CDH7: variants seen among roughly 807,000 people sequenced by gnomAD.
CDH7 encodes cadherin-7.
In CDH7, 25 loss-of-function variants were observed where a neutral mutation model predicts 71.8. The ratio of observed to expected loss-of-function variants is 0.35; its 90% confidence interval spans 0.25 to 0.49. CDH7 has a LOEUF of 0.49. Ranked by LOEUF, CDH7 falls within the 20% of genes least tolerant of loss-of-function variation. The pLI, the probability that CDH7 is intolerant of heterozygous loss-of-function variation, is 0.99. For synonymous variants in CDH7, 381 were observed against 363.8 expected (o/e 1.05, Z -0.54); for missense variants, 862 against 974.6 (o/e 0.88, Z 1.54).
At chr18:65,835,765 A>G (rs1374279626) in intron 6 of CDH7, among the ~76,000 whole-genome samples, 1 of 152,242 alleles carries the variant, frequency 6.6e-6, no homozygotes, top group Non-Finnish European at 1.5e-5. Flanking sequence ...TTATAAAATC[A>G]AAACAGACTA....
chr18:65,780,740 A>G (rs1394777095), intron 2 of CDH7, among the ~76,000 whole-genome samples: 1 of 151,604 alleles, frequency 6.6e-6, no homozygotes, highest in African/African-American at 2.4e-5. Flanking sequence ...AGGTAGTGTG[A>G]TGCCTCCAGC....
intron 3 of CDH7, 126 bp from the exon 4 acceptor site, chr18:65,814,359 G>T: frequency 2.0e-6 from 2 of 980,630 alleles, no homozygotes; most frequent in Admixed American, 1.9e-5. Context: ...ATTTTTTTAT[G>T]TGTCTTGAAA....
intron 1 of CDH7, among the ~76,000 whole-genome samples, chr18:65,751,875 G>A (rs1160850588): frequency 1.3e-5 from 2 of 152,150 alleles, no homozygotes; most frequent in African/African-American, 4.8e-5. Flanking sequence ...GTGGATTAAT[G>A]AGAAAAGACC....
At chr18:65,755,707 A>C (rs1273696679) in intron 1 of CDH7, among the ~76,000 whole-genome samples, 1 of 152,178 alleles carries the variant, frequency 6.6e-6, no homozygotes, top group Non-Finnish European at 1.5e-5. Context: ...TCTACAATAA[A>C]AATAGGCAAA....
intron 4 of CDH7, among the ~76,000 whole-genome samples, chr18:65,818,221 T>A (rs2143927235): frequency 6.6e-6 from 1 of 152,344 alleles, no homozygotes; most frequent in East Asian, 1.9e-4. Flanking sequence ...ATTTCTAATT[T>A]ACTTTTAGTT....
At chr18:65,879,840 G>A (rs528063225) in intron 11 of CDH7, among the ~76,000 whole-genome samples, 15 of 152,232 alleles carry the variant, frequency 9.9e-5, no homozygotes, top group South Asian at 8.3e-4. Flanking sequence ...ACATGAAAGT[G>A]GGACTCAATT....
At chr18:65,847,765 A>T (rs960062522) in intron 7 of CDH7, among the ~76,000 whole-genome samples, 13 of 152,120 alleles carry the variant, frequency 8.5e-5, no homozygotes, top group African/African-American at 2.9e-4. Context: ...ACTGGCCAGA[A>T]CATAACACGA....
At chr18:65,778,520 C>T (rs1015290358) in intron 2 of CDH7, among the ~76,000 whole-genome samples, 10 of 68,072 alleles carry the variant, frequency 1.5e-4, no homozygotes, top group Admixed American at 2.5e-4. Flanking sequence ...TTGCCCCAGG[C>T]GTCTCACTCT....
At chr18:65,840,671 C>A (rs1034783347) in intron 6 of CDH7, among the ~76,000 whole-genome samples, 7 of 152,078 alleles carry the variant, frequency 4.6e-5, no homozygotes, top group Non-Finnish European at 7.4e-5. Context: ...TCTGCCACCA[C>A]GTGAGATGTG....
intron 2 of CDH7, among the ~76,000 whole-genome samples, chr18:65,805,256 A>T (rs1599018523): frequency 6.6e-6 from 1 of 152,324 alleles, no homozygotes; most frequent in Non-Finnish European, 1.5e-5. Flanking sequence ...CAGTTGTAAG[A>T]CTTCAGGAAA....
intron 7 of CDH7, among the ~76,000 whole-genome samples, chr18:65,850,344 A>G (rs1913104411): frequency 6.6e-6 from 1 of 151,514 alleles, no homozygotes; most frequent in Admixed American, 6.6e-5. Context: ...ATTATAATCA[A>G]CAGTAATTGG....
intron 11 of CDH7, among the ~76,000 whole-genome samples, chr18:65,874,534 C>G (rs529113796): frequency 3.3e-5 from 5 of 151,902 alleles, no homozygotes; most frequent in Non-Finnish European, 7.4e-5. Flanking sequence ...GGAGAGTTGA[C>G]GGGGAGTAAG....
chr18:65,821,144 C>G (rs56075860), intron 4 of CDH7, among the ~76,000 whole-genome samples: 1 of 149,342 alleles, frequency 6.7e-6, no homozygotes, highest in African/African-American at 2.5e-5. Flanking sequence ...AAAAAAAAAA[C>G]AAGAAAAGAA....
chr18:65,804,751 A>C (rs1911254902), intron 2 of CDH7, among the ~76,000 whole-genome samples: 1 of 151,352 alleles, frequency 6.6e-6, no homozygotes, highest in South Asian at 2.1e-4. Context: ...AAAAAGGGAG[A>C]GAGAACTACT....
At chr18:65,829,357 A>G (rs1029337157) in intron 6 of CDH7, among the ~76,000 whole-genome samples, 1 of 151,682 alleles carries the variant, frequency 6.6e-6, no homozygotes, top group Non-Finnish European at 1.5e-5. Flanking sequence ...TGAACTTGTG[A>G]TCCGCCCGCC....
In CDH7 at chr18:65,885,245, C is replaced by G. The variant is rs1042445256; in HGVS notation, c.*4351C>G. 1 of 151,850 alleles carries G rather than the reference C, an allele frequency of 6.6e-6. No homozygotes were observed. The highest frequency in any genetic ancestry group is 2.4e-5 in the African/African-American group (1 of 41,328). 9.4% of individuals were successfully genotyped at this position (151,850 alleles called of 1,614,324 possible). On this transcript the variant is annotated 3_prime_UTR_variant, in exon 12 of 12. Coordinates refer to ENST00000397968, the MANE Select transcript of CDH7 (RefSeq NM_004361.5). ...GGCTGTGATTTGGCCGACATTGTAA[C>G]GTATAATTCTGTGGGAAATTTTTCA...
intron 2 of CDH7, among the ~76,000 whole-genome samples, chr18:65,782,119 T>C (rs868566714): frequency 2.7e-4 from 17 of 63,004 alleles, no homozygotes; most frequent in Admixed American, 4.8e-4. Context: ...TCTTTCTTTC[T>C]TTCTTTCTTT....
Position 65,880,546 on chromosome 18 carries a change from A to C in CDH7, c.2010A>C (p.Ala670=). Reference sequence around the variant, plus strand: ...ACACGGAAGCGTTTGACATGGCTGCACTGAGAAACCTCAACGTCATCCGAG... The same window carrying C: ...ACACGGAAGCGTTTGACATGGCTGCCCTGAGAAACCTCAACGTCATCCGAG... ...EEDTEAFDMA[A]LRNLNVIRDT... is the part of the protein sequence containing the mutation. The change falls in exon 12 of 12, where the codon GCA becomes GCC. Residue 670 remains alanine, a synonymous_variant. Coordinates refer to ENST00000397968, the MANE Select transcript of CDH7 (RefSeq NM_004361.5). 1 of 1,613,948 alleles carries C rather than the reference A, an allele frequency of 6.2e-7. No homozygotes were observed. The highest frequency in any genetic ancestry group is 8.5e-7 in the Non-Finnish European group (1 of 1,179,978).
At chr18:65,847,298 T>C (rs1320857607) in intron 7 of CDH7, among the ~76,000 whole-genome samples, 1 of 152,172 alleles carries the variant, frequency 6.6e-6, no homozygotes, top group East Asian at 1.9e-4. Context: ...CTTTGAGGAA[T>C]GGAAAAGCAT....
Sources: allele counts gnomAD v4.1 joint callset (sites outside exome capture counted in the v4.1 genomes callset), GRCh38; gene constraint gnomAD v4.1.1; transcripts MANE v1.5; gene names NCBI Gene and HGNC (gene_info 2026-07-23, HGNC 2026-07-21).